ZC3H13: variants seen among roughly 807,000 people sequenced by gnomAD.
ZC3H13 encodes the protein zinc finger CCCH-type containing 13.
A neutral mutation model predicts 204.1 loss-of-function variants in ZC3H13; 64 were observed. That is an observed-to-expected ratio of 0.31 (90% CI 0.26 to 0.39). The LOEUF is 0.39. Ranked by LOEUF, ZC3H13 falls within the 10% of genes least tolerant of loss-of-function variation. ZC3H13 has a pLI of 1.00. For missense variants in ZC3H13, 1,833 were observed against 2,082.7 expected (o/e 0.88, Z 2.33); for synonymous variants, 667 against 693.7 (o/e 0.96, Z 0.60).
chr13:45,962,496 T>C (rs1255904856), intron 17 of ZC3H13: 6 of 984,180 alleles, frequency 6.1e-6, no homozygotes, highest in Non-Finnish European at 6.0e-6. Context: ...ACAGGAGTTA[T>C]TTGCTTAAGG....
intron 5 of ZC3H13, among the ~76,000 whole-genome samples, chr13:46,019,661 A>G (rs981581523): frequency 3.9e-5 from 6 of 152,174 alleles, no homozygotes; most frequent in Admixed American, 1.3e-4. Flanking sequence ...TGGAAAATAA[A>G]TGCTTATTGA....
At position 45,969,010 on chromosome 13, in the gene ZC3H13, T is replaced by C; in HGVS notation, c.3534A>G (p.Ala1178=). 3 of 1,614,226 alleles carry C rather than the reference T, an allele frequency of 1.9e-6. No homozygotes were observed. The highest frequency in any genetic ancestry group is 2.5e-6 in the Non-Finnish European group (3 of 1,180,034). ...VETPHVTIED[A]QHRKPMDQKR... ...TTTGATCCATAGGCTTGCGATGCTG[T>C]GCATCTTCTATAGTCACGTGAGGCG... The change falls in exon 14 of 19, where the codon GCA becomes GCG. Residue 1178 remains alanine, a synonymous_variant. Coordinates refer to ENST00000679008, the MANE Select transcript of ZC3H13 (RefSeq NM_001330564.2).
intron 10 of ZC3H13, among the ~76,000 whole-genome samples, chr13:45,983,063 G>T (rs1953797241): frequency 6.6e-6 from 1 of 151,968 alleles, no homozygotes; most frequent in African/African-American, 2.4e-5. Context: ...AGAACAAACA[G>T]ACTAAGAAAA....
intron 8 of ZC3H13, among the ~76,000 whole-genome samples, chr13:45,997,416 T>C (rs1020052233): frequency 1.3e-5 from 2 of 152,140 alleles, no homozygotes; most frequent in African/African-American, 4.8e-5. Flanking sequence ...GGGAAAATCA[T>C]GAACTTTTCT....
At chr13:45,990,641 T>A (rs946067913) in intron 8 of ZC3H13, among the ~76,000 whole-genome samples, 19 of 152,248 alleles carry the variant, frequency 1.2e-4, no homozygotes, top group Non-Finnish European at 2.4e-4. Context: ...ACAGCTAATA[T>A]GAGTGGAAAT....
chr13:45,979,199 C>A (rs1429279915), intron 11 of ZC3H13, among the ~76,000 whole-genome samples: 1 of 152,042 alleles, frequency 6.6e-6, no homozygotes, highest in South Asian at 2.1e-4. Flanking sequence ...TATTTACAAC[C>A]CTTCTTAAGT....
Position 45,967,991 on chromosome 13 carries a change from ACTT to A in ZC3H13, c.3831_3833del (p.Arg1277del), listed in dbSNP as rs747701957. 1.6e-5 allele frequency: 25 copies of A among 1,610,358 alleles called. No homozygotes were observed. Among genetic ancestry groups the A allele is most frequent in the African/African-American group, 5.4e-5 (4 of 74,682 alleles). Reference sequence around the variant, plus strand: ...GGACCTGTCGATCTGACTCTGGAGAACTTCTTCTTGAACTATGGCTTCTTGAAT... The same window carrying A: ...GGACCTGTCGATCTGACTCTGGAGAACTTCTTGAACTATGGCTTCTTGAAT... On this transcript the variant is annotated inframe_deletion, in exon 15 of 19. Coordinates refer to ENST00000679008, the MANE Select transcript of ZC3H13 (RefSeq NM_001330564.2).
chr13:46,014,509 C>G lies in ZC3H13; in HGVS notation c.449-2955G>C, dbSNP rs115217737. ...TAAATACTTGTGAATTGCCTTGTTA[C>G]ATCATGCTAATTATATTTAACCTTT... On this transcript the variant is annotated intron_variant, in intron 5 of 18. Transcript: ENST00000679008. 7.6e-3 allele frequency among the ~76,000 whole-genome samples: 1,161 copies of G among 152,274 alleles called. 18 individuals are homozygous for G. Among genetic ancestry groups the G allele is most frequent in the African/African-American group, 0.027 (1,108 of 41,552 alleles).
intron 2 of ZC3H13, 55 bp downstream of exon 2, chr13:46,045,336 A>T: frequency 7.1e-7 from 1 of 1,416,370 alleles, no homozygotes; most frequent in South Asian, 1.2e-5. Flanking sequence ...ACAAATAAGC[A>T]TTTCAATAAT....
intron 14 of ZC3H13, among the ~76,000 whole-genome samples, chr13:45,968,358 T>G (rs566413082): frequency 6.6e-6 from 1 of 152,280 alleles, no homozygotes; most frequent in African/African-American, 2.4e-5. Context: ...TTAATAGAAC[T>G]AATCACTCCA....
rs1038654548 is a variant in ZC3H13 at position 45,985,147 on chromosome 13, T to C, written c.1720+150A>G. ...TGCTATTTTAACTAGTAATTCCAATTAGGAATTTATAAGGAAGACTACAAG... is the reference window on the plus strand; with the variant it reads ...TGCTATTTTAACTAGTAATTCCAATCAGGAATTTATAAGGAAGACTACAAG... On this transcript the variant is annotated intron_variant, in intron 10 of 18. Coordinates refer to ENST00000679008, the MANE Select transcript of ZC3H13 (RefSeq NM_001330564.2). 6 of 886,720 alleles carry C rather than the reference T, an allele frequency of 6.8e-6. No individual in the cohort carries two copies. The African/African-American group carries it at 8.5e-5, about 12-fold the overall frequency. The allele number at this position is 886,720 out of a possible 1,614,324, so 54.9% of individuals were successfully genotyped here.
intron 8 of ZC3H13, among the ~76,000 whole-genome samples, chr13:45,994,396 T>G (rs2040187951): frequency 1.3e-5 from 2 of 152,206 alleles, no homozygotes; most frequent in African/African-American, 4.8e-5. Flanking sequence ...CAACTGTAAT[T>G]TCCAAAGTTT....
chr13:45,980,900 C>T (rs1315095556), intron 10 of ZC3H13, among the ~76,000 whole-genome samples: 1 of 152,108 alleles, frequency 6.6e-6, no homozygotes, highest in African/African-American at 2.4e-5. Context: ...TGCATGTATA[C>T]TGGTGAAATG....
At position 45,969,736 on chromosome 13, in the gene ZC3H13, G is replaced by A. The variant is rs1445040239; in HGVS notation, c.2808C>T (p.Asp936=). Residue 936 remains aspartate, a synonymous_variant, in exon 14 of 19, where the codon GAC becomes GAT. Coordinates refer to ENST00000679008, the MANE Select transcript of ZC3H13 (RefSeq NM_001330564.2). ...ILESSRMRAQ[D]IIGHHQSEDR... Reference sequence around the variant, plus strand: ...CTTCAGACTGGTGGTGTCCTATAATGTCCTGTGCACGCATTCTTGAGCTTT... The same window carrying A: ...CTTCAGACTGGTGGTGTCCTATAATATCCTGTGCACGCATTCTTGAGCTTT... 2.5e-6 allele frequency: 4 copies of A among 1,613,670 alleles called. No homozygotes were observed. The highest frequency in any genetic ancestry group is 1.6e-4 in the Middle Eastern group (1 of 6,084).
chr13:46,049,739 C>T lies in ZC3H13; in HGVS notation c.-10+2665G>A, dbSNP rs192749806. Among the ~76,000 whole-genome samples, 90 of 152,020 alleles carry T rather than the reference C, an allele frequency of 5.9e-4. 1 individual carries two copies. The East Asian group carries it at 0.015, about 25-fold the overall frequency. On this transcript the variant is annotated intron_variant, in intron 1 of 18. Transcript: ENST00000679008. The stretch of plus-strand genomic sequence containing the variant: ...ACAGTTAAAATGTAGATTTTCGGGG[C>T]GGGAAACTTTTTCAAATTATGTATG...
At chr13:45,994,994 G>T (rs1034485792) in intron 8 of ZC3H13, among the ~76,000 whole-genome samples, 5 of 142,246 alleles carry the variant, frequency 3.5e-5, no homozygotes, top group African/African-American at 5.3e-5. Flanking sequence ...TTCTTCTTAC[G>T]GTCATTTAAC....
intron 5 of ZC3H13, among the ~76,000 whole-genome samples, chr13:46,018,894 G>A (rs555589490): frequency 2.6e-5 from 4 of 152,088 alleles, no homozygotes; most frequent in Non-Finnish European, 5.9e-5. Flanking sequence ...TGTGTTAAAA[G>A]GTAACCCCTT....
intron 12 of ZC3H13, among the ~76,000 whole-genome samples, chr13:45,971,052 C>T (rs979968171): frequency 6.6e-6 from 1 of 152,172 alleles, no homozygotes; most frequent in Non-Finnish European, 1.5e-5. Context: ...TTAGTTATGT[C>T]ATAAACCCAG....
rs369297493 is a variant in ZC3H13 at position 45,969,713 on chromosome 13, T to C, written c.2831A>G (p.Glu944Gly). 1.2e-6 allele frequency: 2 copies of C among 1,613,844 alleles called. No individual in the cohort carries two copies. Among genetic ancestry groups the C allele is most frequent in the Admixed American group, 1.7e-5 (1 of 60,012 alleles). The change falls in exon 14 of 19, where the codon GAA (glutamate) becomes GGA (glycine). Residue 944 changes from glutamate (E) to glycine (G), a missense_variant. By Grantham distance (98) the Glu-to-Gly change is moderately conservative (BLOSUM62 -2). This residue lies in a region of ZC3H13 where 1,574 missense variants were observed against 1,757.2 expected (regional missense o/e 0.90). Coordinates refer to ENST00000679008, the MANE Select transcript of ZC3H13 (RefSeq NM_001330564.2). ...AQDIIGHHQS[E>G]DRETSDRAHD... Reference sequence around the variant, plus strand: ...AGCTCGATCAGATGTCTCTCGATCTTCAGACTGGTGGTGTCCTATAATGTC... The same window carrying C: ...AGCTCGATCAGATGTCTCTCGATCTCCAGACTGGTGGTGTCCTATAATGTC...
Sources: allele counts gnomAD v4.1 joint callset (sites outside exome capture counted in the v4.1 genomes callset), GRCh38; gene constraint gnomAD v4.1.1; regional missense constraint gnomAD v4.1.1; transcripts MANE v1.5; gene names NCBI Gene and HGNC (gene_info 2026-07-23, HGNC 2026-07-21).